NLGN1: variants seen among roughly 807,000 people sequenced by gnomAD.
NLGN1 encodes the protein neuroligin 1.
Under a neutral mutation model 65.5 loss-of-function variants are expected in NLGN1, and 12 were observed. That is an observed-to-expected ratio of 0.18 (90% confidence interval 0.12 to 0.30). NLGN1 has a LOEUF of 0.30. NLGN1 is among the 10% of genes least tolerant of loss of function. The probability of loss-of-function intolerance (pLI) is 1.00; values close to 1 mark genes in which losing one functional copy is unlikely to be tolerated. For synonymous variants in NLGN1, 350 were observed against 359.5 expected, an observed-to-expected ratio of 0.97 and a Z score of 0.30; for missense variants, 750 against 1,007.1, an observed-to-expected ratio of 0.74 and a Z score of 3.46.
intron 2 of NLGN1, among the ~76,000 whole-genome samples, chr3:173,521,352 A>G (rs1734726199): frequency 6.6e-6 from 1 of 152,242 alleles, no homozygotes; most frequent in African/African-American, 2.4e-5. Context: ...CACAGATCAC[A>G]TGGAGAAGTG....
chr3:173,988,018 A>G (rs1363813532), intron 4 of NLGN1, among the ~76,000 whole-genome samples: 4 of 152,210 alleles, frequency 2.6e-5, no homozygotes, highest in African/African-American at 7.2e-5. Context: ...ATGCATAGCT[A>G]CATTTTGGGA....
At chr3:173,991,982 C>A (rs962958682) in intron 4 of NLGN1, among the ~76,000 whole-genome samples, 2 of 152,082 alleles carry the variant, frequency 1.3e-5, no homozygotes, top group Non-Finnish European at 2.9e-5. Context: ...TGCCAGCCAC[C>A]ATGTCCGGCT....
chr3:173,457,568 G>A (rs1174618683), intron 2 of NLGN1, among the ~76,000 whole-genome samples: 1 of 152,096 alleles, frequency 6.6e-6, no homozygotes, highest in African/African-American at 2.4e-5. Context: ...AAATAAGGAA[G>A]AGATGTGATC....
intron 3 of NLGN1, among the ~76,000 whole-genome samples, chr3:173,786,397 T>G (rs916507441): frequency 2.0e-5 from 3 of 152,170 alleles, no homozygotes; most frequent in African/African-American, 7.2e-5. Context: ...CTCTTCTGAT[T>G]AACAAGAAAT....
chr3:173,401,034 G>A (rs986338470), intron 1 of NLGN1, among the ~76,000 whole-genome samples: 13 of 152,058 alleles, frequency 8.5e-5, no homozygotes, highest in Admixed American at 7.9e-4. Flanking sequence ...CTCCAAACTC[G>A]TGTCTGTCTT....
At chr3:173,522,372 ACTTAGATT>A (rs2149140794) in intron 2 of NLGN1, among the ~76,000 whole-genome samples, 1 of 152,306 alleles carries the variant, frequency 6.6e-6, no homozygotes, top group East Asian at 1.9e-4. Flanking sequence ...ACACTTAGAT[ACTTAGATT>A]GGATCACTTT....
intron 3 of NLGN1, among the ~76,000 whole-genome samples, chr3:173,705,133 C>A (rs971462932): frequency 2.0e-5 from 3 of 151,902 alleles, no homozygotes; most frequent in African/African-American, 7.3e-5. Flanking sequence ...ATATTTTTTT[C>A]AACTGATCTC....
chr3:173,460,820 A>G (rs950856990), intron 2 of NLGN1, among the ~76,000 whole-genome samples: 1 of 152,150 alleles, frequency 6.6e-6, no homozygotes, highest in Non-Finnish European at 1.5e-5. Context: ...ACCATAGGGA[A>G]TAAGCATTGG....
At chr3:173,901,082 A>T (rs1476420275) in intron 4 of NLGN1, among the ~76,000 whole-genome samples, 1 of 151,952 alleles carries the variant, frequency 6.6e-6, no homozygotes, top group Admixed American at 6.6e-5. Context: ...TAATTTAAAT[A>T]ATCTTTACTT....
At chr3:174,205,477 G>A (rs1399891359) in intron 4 of NLGN1, among the ~76,000 whole-genome samples, 1 of 152,050 alleles carries the variant, frequency 6.6e-6, no homozygotes, top group African/African-American at 2.4e-5. Flanking sequence ...TGTTATTGCA[G>A]AAAAGAATAT....
chr3:174,036,214 C>T (rs1400081633), intron 4 of NLGN1, among the ~76,000 whole-genome samples: 2 of 152,078 alleles, frequency 1.3e-5, no homozygotes, highest in Admixed American at 1.3e-4. Context: ...TGTTACAGTC[C>T]TCACACTTCC....
intron 4 of NLGN1, among the ~76,000 whole-genome samples, chr3:173,964,696 G>A (rs372948585): frequency 2.6e-5 from 4 of 152,040 alleles, no homozygotes; most frequent in African/African-American, 9.7e-5. Context: ...TTTAATAATG[G>A]TTCTTCCAAA....
intron 4 of NLGN1, among the ~76,000 whole-genome samples, chr3:174,068,470 CTCTTAGCTA>C (rs1449480080): frequency 6.6e-6 from 1 of 151,954 alleles, no homozygotes; most frequent in African/African-American, 2.4e-5. Flanking sequence ...GAAACACTTT[CTCTTAGCTA>C]TCTTCACAGC....
chr3:173,806,919 C>T (rs916239831), intron 3 of NLGN1, among the ~76,000 whole-genome samples: 1 of 152,018 alleles, frequency 6.6e-6, no homozygotes, highest in Non-Finnish European at 1.5e-5. Flanking sequence ...AGAGCCAAAG[C>T]GTGAAGAAGA....
rs13089424 is a variant in NLGN1 at position 173,794,793 on chromosome 3, A to G, written c.494-12887A>G. On this transcript the variant is annotated intron_variant, in intron 3 of 6. Coordinates refer to ENST00000457714, the Ensembl canonical transcript of NLGN1. ...TCTACTTAAATTCTTTCTTCCCCAGATGCTATCATTTTTTTATTCTAGATG... is the reference window on the plus strand; with the variant it reads ...TCTACTTAAATTCTTTCTTCCCCAGGTGCTATCATTTTTTTATTCTAGATG... Among the ~76,000 whole-genome samples, 4 of 152,234 alleles carry G rather than the reference A, an allele frequency of 2.6e-5. No individual in the cohort carries two copies. The East Asian group carries it at 7.7e-4, about 29-fold the overall frequency.
rs558682253 is a variant in NLGN1 at position 173,732,885 on chromosome 3, AATT to A, written c.494-74789_494-74787del. The stretch of plus-strand genomic sequence containing the variant: ...TATTTGAAAGTTTCATGTATTATAA[AATT>A]ATTATGATAATAAAAATAAACATTA... On this transcript the variant is annotated intron_variant, in intron 3 of 6. Transcript: ENST00000457714. Among the ~76,000 whole-genome samples the A allele has an allele frequency of 1.3e-3, 196 of 152,212 alleles. 2 individuals carry two copies. The highest frequency in any genetic ancestry group is 4.6e-3 in the African/African-American group (190 of 41,570).
intron 4 of NLGN1, among the ~76,000 whole-genome samples, chr3:173,887,892 A>G (rs1240238211): frequency 6.6e-6 from 1 of 151,948 alleles, no homozygotes; most frequent in Non-Finnish European, 1.5e-5. Context: ...CACTTCTACC[A>G]CTACTGTCAT....
In NLGN1 at chr3:173,950,117, A is replaced by G. The variant is rs185340542; in HGVS notation, c.646+142285A>G. Among the ~76,000 whole-genome samples, 602 of 152,292 alleles carry G rather than the reference A, an allele frequency of 4.0e-3. 4 individuals carry two copies. The Middle Eastern group carries it at 0.048, about 12-fold the overall frequency. ...GGTAAAATTATTGTTTTTCTTTATT[A>G]TCTATAAATGCTTCAAAGTAGTTAA... On this transcript the variant is annotated intron_variant, in intron 4 of 6. Transcript: ENST00000457714.
intron 4 of NLGN1, among the ~76,000 whole-genome samples, chr3:173,987,078 C>T (rs762527918): frequency 5.3e-5 from 8 of 152,278 alleles, no homozygotes; most frequent in South Asian, 2.1e-4. Flanking sequence ...GACCAGGCAA[C>T]ATTTTGGGCA....
Sources: gnomAD v4.1 joint callset for allele counts (sites outside exome capture counted in the v4.1 genomes callset) on GRCh38, gnomAD v4.1.1 for gene constraint, MANE v1.5 for transcripts, NCBI Gene and HGNC (gene_info 2026-07-23, HGNC 2026-07-21) for gene names.